Variants in NKAPD1 observed in about 807,000 individuals in gnomAD.
NKAPD1 encodes the protein NKAP domain containing 1, also known as uncharacterized protein NKAPD1.
A neutral mutation model predicts 30.9 loss-of-function variants in NKAPD1; 12 were observed. That is an observed-to-expected ratio of 0.39 (90% CI 0.25 to 0.63). The LOEUF is 0.63. Among genes scored for constraint, NKAPD1 ranks in the 20% least tolerant of loss-of-function variants. The pLI, the probability that NKAPD1 is intolerant of heterozygous loss-of-function variation, is 0.51. For synonymous variants in NKAPD1, 91 were observed against 113.6 expected, an observed-to-expected ratio of 0.80 and a Z score of 1.26; for missense variants, 311 against 344.5, an observed-to-expected ratio of 0.90 and a Z score of 0.77.
intron 2 of NKAPD1, among the ~76,000 whole-genome samples, chr11:112,076,832 C>T (rs944655075): frequency 1.1e-4 from 16 of 152,058 alleles, no homozygotes; most frequent in Non-Finnish European, 1.3e-4. Flanking sequence ...TAGATGATGA[C>T]AATTCTGTTA....
At chr11:112,082,430 C>A (rs1456373233) in intron 5 of NKAPD1, 35 bp from the exon 6 acceptor site, 3 of 1,433,166 alleles carry the variant, frequency 2.1e-6, no homozygotes, top group East Asian at 2.4e-5. Flanking sequence ...TTTTTTTTTA[C>A]ATAAAAGCTT....
In NKAPD1 at chr11:112,082,450, A is replaced by G; in HGVS notation, c.375-15A>G. ...TTTTACATAAAAGCTTCTATTTTTT[A>G]ACTTTTCTTATTAGTAGTGATCAGC... On this transcript the variant is annotated splice_polypyrimidine_tract_variant and intron_variant, in intron 5 of 5. Coordinates refer to ENST00000393047, the MANE Select transcript of NKAPD1 (RefSeq NM_018195.4). The G allele has an allele frequency of 6.7e-7, 1 of 1,503,628 alleles. No homozygotes were observed. The highest frequency in any genetic ancestry group is 8.9e-7 in the Non-Finnish European group (1 of 1,127,758). The allele number at this position is 1,503,628 out of a possible 1,614,324, so 93.1% of individuals were successfully genotyped here.
At position 112,084,704 on chromosome 11, in the gene NKAPD1, AG is replaced by A. The variant is rs1390851247; in HGVS notation, c.*1734del. On this transcript the variant is annotated 3_prime_UTR_variant, in exon 6 of 6. Transcript: ENST00000393047. Reference sequence around the variant, plus strand: ...ACTCAGGAAAATGTGCCAGTAGAACAGGCCATCTCCAGGAAATTGGCTCTAT... The same window carrying A: ...ACTCAGGAAAATGTGCCAGTAGAACAGCCATCTCCAGGAAATTGGCTCTAT... 1 of 152,348 alleles carries A rather than the reference AG, an allele frequency of 6.6e-6. No individual in the cohort carries two copies. The highest frequency in any genetic ancestry group is 2.4e-5 in the African/African-American group (1 of 41,346). 9.4% of individuals were successfully genotyped at this position (152,348 alleles called of 1,614,324 possible).
At chr11:112,075,527 CAG>C (rs1228732264) in intron 1 of NKAPD1, 38 bp from the exon 2 acceptor site, 10 of 1,446,560 alleles carry the variant, frequency 6.9e-6, no homozygotes, top group Admixed American at 5.4e-5. Flanking sequence ...AAAGTAATAA[CAG>C]AAATTATTAC....
In NKAPD1 at chr11:112,076,346, T is replaced by C. The variant is rs755767263; in HGVS notation, c.69+703T>C. On this transcript the variant is annotated intron_variant, in intron 2 of 5. Coordinates refer to ENST00000393047, the MANE Select transcript of NKAPD1 (RefSeq NM_018195.4). Reference sequence around the variant, plus strand: ...GAGATGATGAGGGTTCGCATGAAATTAGTGACAGCAGGGATGAAGAAGAGG... The same window carrying C: ...GAGATGATGAGGGTTCGCATGAAATCAGTGACAGCAGGGATGAAGAAGAGG... Among the ~76,000 whole-genome samples the C allele has an allele frequency of 8.5e-5, 13 of 152,204 alleles. No individual in the cohort carries two copies. In the South Asian group the frequency reaches 1.2e-3, roughly 15 times the overall value.
rs1033245045 is a variant in NKAPD1, at chr11:112,084,221, T to C, written c.*1249T>C. ...CCTTCCTGGCCTTACTTTCCTGATG[T>C]GTAATACGGAATTACTTCACAGTAG... On this transcript the variant is annotated 3_prime_UTR_variant, in exon 6 of 6. Coordinates refer to ENST00000393047, the MANE Select transcript of NKAPD1 (RefSeq NM_018195.4). 1 of 152,642 alleles carries C rather than the reference T, an allele frequency of 6.6e-6. No homozygotes were observed. The highest frequency in any genetic ancestry group is 2.4e-5 in the African/African-American group (1 of 41,462). The allele number at this position is 152,642 out of a possible 1,614,324, so 9.5% of individuals were successfully genotyped here.
At chr11:112,080,067 G>A (rs1392829888) in intron 3 of NKAPD1, among the ~76,000 whole-genome samples, 1 of 152,028 alleles carries the variant, frequency 6.6e-6, no homozygotes, top group Non-Finnish European at 1.5e-5. Context: ...CACTCGCCCC[G>A]GCCTCCCAAA....
At chr11:112,077,677 A>G (rs942660584) in intron 2 of NKAPD1, among the ~76,000 whole-genome samples, 1 of 152,212 alleles carries the variant, frequency 6.6e-6, no homozygotes, top group African/African-American at 2.4e-5. Flanking sequence ...TTGTCTGTGC[A>G]GCGGTTTAAA....
At position 112,080,471 on chromosome 11, in the gene NKAPD1, A is replaced by C; in HGVS notation, c.233A>C (p.Glu78Ala). The C allele has an allele frequency of 5.0e-6, 8 of 1,614,072 alleles. No individual in the cohort carries two copies. Among genetic ancestry groups the C allele is most frequent in the Non-Finnish European group, 6.8e-6 (8 of 1,180,002 alleles). ...AGATACTATTGGAGGCCAAAGAATGAAATTTCTGGGACACTGGAAGATGAT... is the reference window on the plus strand; with the variant it reads ...AGATACTATTGGAGGCCAAAGAATGCAATTTCTGGGACACTGGAAGATGAT... ...SQRYYWRPKN[E>A]ISGTLEDDFL... The change falls in exon 4 of 6, where the codon GAA becomes GCA. Residue 78 changes from glutamate to alanine, a missense_variant. Coordinates refer to ENST00000393047, the MANE Select transcript of NKAPD1 (RefSeq NM_018195.4).
intron 2 of NKAPD1, among the ~76,000 whole-genome samples, chr11:112,076,322 A>ACAT (rs1865330527): frequency 6.6e-6 from 1 of 152,182 alleles, no homozygotes; most frequent in South Asian, 2.1e-4. Flanking sequence ...TACAGGTGAG[A>ACAT]GATGATGAGG....
At position 112,082,797 on chromosome 11, in the gene NKAPD1, C is replaced by T. The variant is rs1187170237; in HGVS notation, c.707C>T (p.Ser236Phe). The change falls in exon 6 of 6, where the codon TCC becomes TTC. Residue 236 changes from serine to phenylalanine, a missense_variant. Ser to Phe is a radical substitution (Grantham distance 155). Transcript: ENST00000393047. ...ACTTCACATTCAGATGATTCAGCATCCAGCAGTTCTGAGGAAAGTGAGGAA... is the reference window on the plus strand; with the variant it reads ...ACTTCACATTCAGATGATTCAGCATTCAGCAGTTCTGAGGAAAGTGAGGAA... ...SNTSHSDDSA[S>F]SSSEESEERD... is the part of the protein sequence containing the mutation. 2.5e-6 allele frequency: 4 copies of T among 1,613,532 alleles called. No individual in the cohort carries two copies. Among genetic ancestry groups the T allele is most frequent in the Non-Finnish European group, 3.4e-6 (4 of 1,179,968 alleles).
Position 112,082,767 on chromosome 11 carries a change from G to C in NKAPD1, c.677G>C (p.Ser226Thr). 6.2e-7 allele frequency: 1 copy of C among 1,613,822 alleles called. No homozygotes were observed. Residue 226 changes from serine (S) to threonine (T), a missense_variant, in exon 6 of 6, where the codon AGT becomes ACT. Physicochemically the swap from Ser to Thr is moderately conservative, Grantham distance 58. Transcript: ENST00000393047. The part of the protein sequence containing the change: ...KKPALFLEAE[S>T]NTSHSDDSAS... ...CCTGCTTTATTCTTAGAGGCAGAAA[G>C]TAACACTTCACATTCAGATGATTCA...
intron 2 of NKAPD1, among the ~76,000 whole-genome samples, chr11:112,075,923 G>A (rs1865321312): frequency 6.6e-6 from 1 of 152,176 alleles, no homozygotes; most frequent in Admixed American, 6.5e-5. Flanking sequence ...CAGAATTAGT[G>A]GTATTTCAGC....
chr11:112,076,644 T>G (rs1034982660), intron 2 of NKAPD1, among the ~76,000 whole-genome samples: 4 of 152,146 alleles, frequency 2.6e-5, no homozygotes, highest in African/African-American at 9.7e-5. Flanking sequence ...GTAAAGTAGC[T>G]AGAGAAAACA....
intron 3 of NKAPD1, among the ~76,000 whole-genome samples, chr11:112,078,612 AATCTTGT>A (rs1467340339): frequency 6.6e-6 from 1 of 152,178 alleles, no homozygotes; most frequent in Non-Finnish European, 1.5e-5. Context: ...TTTATACTGG[AATCTTGT>A]GGTCACTAAG....
chr11:112,080,716 A>C, intron 4 of NKAPD1, 158 bp downstream of exon 4: 1 of 722,328 alleles, frequency 1.4e-6, no homozygotes, highest in South Asian at 1.9e-5. Context: ...ATGTCTGTCA[A>C]CTGATGAATG....
At position 112,082,726 on chromosome 11, in the gene NKAPD1, A is replaced by G. The variant is rs1208040295; in HGVS notation, c.636A>G (p.Lys212=). The stretch of plus-strand genomic sequence containing the variant: ...ATAAACGCAAGAAAAAATCCAGGAA[A>G]AAGTCTCTCAAAAAACCTGCTTTAT... ...QPHKRKKKSR[K]KSLKKPALFL... Residue 212 remains lysine, a synonymous_variant, in exon 6 of 6, where the codon AAA becomes AAG. Transcript: ENST00000393047. 2 of 1,613,914 alleles carry G rather than the reference A, an allele frequency of 1.2e-6. No individual in the cohort carries two copies. The highest frequency in any genetic ancestry group is 1.7e-6 in the Non-Finnish European group (2 of 1,180,034).
Position 112,083,197 on chromosome 11 carries a change from TTA to T in NKAPD1, c.*227_*228del, listed in dbSNP as rs1491340302. The T allele has an allele frequency of 0.021, 7,895 of 371,686 alleles. No individual in the cohort carries two copies. Among genetic ancestry groups the T allele is most frequent in the Middle Eastern group, 0.029 (38 of 1,296 alleles). The allele number at this position is 371,686 out of a possible 1,614,324, so 23.0% of individuals were successfully genotyped here. ...TTGTTATGAAGGTTTCTTGAAGAGA[TTA>T]TTTTTTTTTGCAATTAATTACGTTT... is the stretch of plus-strand genomic sequence containing the variant. On this transcript the variant is annotated 3_prime_UTR_variant, in exon 6 of 6. Transcript: ENST00000393047.
rs1442307398 is a variant in NKAPD1 at position 112,083,132 on chromosome 11, A to T, written c.*160A>T. The stretch of plus-strand genomic sequence containing the variant: ...CGTCTTGTCTTCTATTTTGGCGTTA[A>T]GCTTGATCCCCTTTTCTTGTTAAAA... On this transcript the variant is annotated 3_prime_UTR_variant, in exon 6 of 6. Transcript: ENST00000393047. The T allele has an allele frequency of 3.1e-6, 2 of 637,368 alleles. No homozygotes were observed. The highest frequency in any genetic ancestry group is 3.7e-5 in the African/African-American group (2 of 54,374). The allele number at this position is 637,368 out of a possible 1,614,324, so 39.5% of individuals were successfully genotyped here.
Sources: allele counts gnomAD v4.1 joint callset (sites outside exome capture counted in the v4.1 genomes callset), GRCh38; gene constraint gnomAD v4.1.1; transcripts MANE v1.5; gene names NCBI Gene and HGNC (gene_info 2026-07-23, HGNC 2026-07-21).